AEBP2: variants seen among roughly 807,000 people sequenced by gnomAD.
The protein encoded by AEBP2 is zinc finger protein AEBP2.
In AEBP2, 10 loss-of-function variants were observed where a neutral mutation model predicts 50.8. That is an observed-to-expected ratio of 0.20 (90% confidence interval 0.12 to 0.33). AEBP2 has a LOEUF of 0.33. Ranked by LOEUF, AEBP2 falls within the 10% of genes least tolerant of loss-of-function variation. The pLI, the probability that AEBP2 is intolerant of heterozygous loss-of-function variation, is 1.00. For missense variants in AEBP2, 570 were observed against 688.0 expected (o/e 0.83, Z 1.92); for synonymous variants, 296 against 261.3 (o/e 1.13, Z -1.28).
chr12:19,466,607 T>C (rs6486959), intron 2 of AEBP2: 133,749 of 159,292 alleles, frequency 0.84, 56,345 homozygotes, highest in African/African-American at 0.9. Context: ...CTCTCTGCTC[T>C]TACTAGCTCC....
At chr12:19,489,336 G>A (rs1948861312) in intron 3 of AEBP2, among the ~76,000 whole-genome samples, 1 of 152,072 alleles carries the variant, frequency 6.6e-6, no homozygotes, top group African/African-American at 2.4e-5. Flanking sequence ...AGAGTGCAGG[G>A]GAACCTGCCA....
intron 2 of AEBP2, among the ~76,000 whole-genome samples, chr12:19,464,222 C>G (rs1329714857): frequency 6.6e-6 from 1 of 152,194 alleles, no homozygotes; most frequent in Non-Finnish European, 1.5e-5. Flanking sequence ...GTCTTCTCCC[C>G]CAAGCCATAT....
chr12:19,418,128 G>C (rs1470171159), intron 1 of AEBP2, among the ~76,000 whole-genome samples: 1 of 152,088 alleles, frequency 6.6e-6, no homozygotes, highest in Non-Finnish European at 1.5e-5. Flanking sequence ...TGTCTCTAAG[G>C]GTGACCCTCT....
chr12:19,462,722 G>GT lies in AEBP2; in HGVS notation c.879+9dup, dbSNP rs1476611259. 1 of 1,561,994 alleles carries GT rather than the reference G, an allele frequency of 6.4e-7. No individual in the cohort carries two copies. The highest frequency in any genetic ancestry group is 2.3e-5 in the East Asian group (1 of 43,322). On this transcript the variant is annotated splice_donor_region_variant and intron_variant, in intron 2 of 7. Transcript: ENST00000266508. ...GTAGATGGTCAGCGAGGAGGGGTTGGTTTTGTCATTTCTTTTTTTCGCTCC... is the reference window on the plus strand; with the variant it reads ...GTAGATGGTCAGCGAGGAGGGGTTGGTTTTTGTCATTTCTTTTTTTCGCTCC...
chr12:19,462,102 A>G (rs1166911022), intron 1 of AEBP2, among the ~76,000 whole-genome samples: 3 of 152,198 alleles, frequency 2.0e-5, no homozygotes. Context: ...AGTGATTTGC[A>G]GAGCTATAAA....
chr12:19,485,279 AG>A (rs1948790160), intron 3 of AEBP2, among the ~76,000 whole-genome samples: 1 of 152,212 alleles, frequency 6.6e-6, no homozygotes, highest in Non-Finnish European at 1.5e-5. Context: ...TGTCTTTGAA[AG>A]AAAAAAAGTT....
At chr12:19,465,039 G>T (rs1392347251) in intron 2 of AEBP2, among the ~76,000 whole-genome samples, 1 of 152,042 alleles carries the variant, frequency 6.6e-6, no homozygotes, top group Non-Finnish European at 1.5e-5. Flanking sequence ...GTGATTTCTT[G>T]AACCCTTATT....
At chr12:19,511,932 C>G (rs535379147) in intron 5 of AEBP2, among the ~76,000 whole-genome samples, 1 of 151,806 alleles carries the variant, frequency 6.6e-6, no homozygotes, top group Non-Finnish European at 1.5e-5. Flanking sequence ...GTGGGAAAGA[C>G]AAAGGTTTGA....
intron 3 of AEBP2, among the ~76,000 whole-genome samples, chr12:19,484,340 C>T (rs117298308): frequency 0.021 from 3,204 of 149,320 alleles, 40 homozygotes; most frequent in East Asian, 0.043. Context: ...TCTGGTGATC[C>T]GCCTCCCCTT....
At chr12:19,499,674 G>C (rs1470453652) in intron 4 of AEBP2, among the ~76,000 whole-genome samples, 1 of 150,130 alleles carries the variant, frequency 6.7e-6, no homozygotes, top group Non-Finnish European at 1.5e-5. Context: ...TGTACAATTT[G>C]AAATTACATG....
upstream of AEBP2, among the ~76,000 whole-genome samples, chr12:19,438,950 C>CAT (rs1004179813): frequency 3.9e-5 from 6 of 152,072 alleles, no homozygotes; most frequent in African/African-American, 1.4e-4. Flanking sequence ...TGTATAAGAA[C>CAT]ATACACAGCT....
At chr12:19,496,187 C>G (rs1351548506) in intron 4 of AEBP2, among the ~76,000 whole-genome samples, 1 of 152,158 alleles carries the variant, frequency 6.6e-6, no homozygotes, top group South Asian at 2.1e-4. Context: ...AAGAGAGATT[C>G]AGTTAAATAC....
At chr12:19,460,324 G>A (rs1177054484) in intron 1 of AEBP2, among the ~76,000 whole-genome samples, 3 of 152,108 alleles carry the variant, frequency 2.0e-5, no homozygotes, top group Non-Finnish European at 4.4e-5. Context: ...TGAATAGGTT[G>A]TATTGGTATA....
chr12:19,511,504 C>T (rs1949232282), intron 5 of AEBP2, among the ~76,000 whole-genome samples: 1 of 152,154 alleles, frequency 6.6e-6, no homozygotes, highest in East Asian at 1.9e-4. Flanking sequence ...TTCCTAAGTG[C>T]TCGGGGGAAC....
intron 4 of AEBP2, among the ~76,000 whole-genome samples, chr12:19,496,594 T>A (rs956282067): frequency 1.1e-4 from 17 of 152,066 alleles, no homozygotes; most frequent in Non-Finnish European, 2.4e-4. Flanking sequence ...CTGTGAAAAA[T>A]ATACCTTATA....
chr12:19,509,121 A>G (rs17346658), intron 5 of AEBP2: 10,154 of 531,280 alleles, frequency 0.019, 138 homozygotes, highest in East Asian at 0.031. Flanking sequence ...AGCAAAGAAC[A>G]TGTCAGCAGG....
intron 1 of AEBP2, chr12:19,457,390 C>G: frequency 2.8e-6 from 4 of 1,437,736 alleles, no homozygotes; most frequent in Non-Finnish European, 3.8e-6. Context: ...ATGATAGTCA[C>G]GTAGCACTTG....
chr12:19,444,869 A>G (rs991094857), intron 1 of AEBP2, among the ~76,000 whole-genome samples: 8 of 152,154 alleles, frequency 5.3e-5, no homozygotes, highest in Non-Finnish European at 1.2e-4. Flanking sequence ...TTAAATTGAG[A>G]ATACCAACAG....
chr12:19,470,164 CT>C (rs138544228), intron 2 of AEBP2, among the ~76,000 whole-genome samples: 91 of 144,052 alleles, frequency 6.3e-4, no homozygotes, highest in Admixed American at 6.3e-4. Context: ...TTTCTTTTTT[CT>C]TTTTTTTTTT....
Sources: allele counts gnomAD v4.1 joint callset (sites outside exome capture counted in the v4.1 genomes callset), GRCh38; gene constraint gnomAD v4.1.1; transcripts MANE v1.5; gene names NCBI Gene and HGNC (gene_info 2026-07-23, HGNC 2026-07-21).